The following ZNF131 variants were observed in gnomAD, a reference collection of about 807,000 sequenced individuals.
ZNF131 encodes zinc finger protein 131.
A neutral mutation model predicts 60.0 loss-of-function variants in ZNF131; 7 were observed. The observed-to-expected ratio is 0.12, with a 90% CI of 0.07 to 0.22. ZNF131 has a LOEUF of 0.22. Among genes scored for constraint, ZNF131 ranks in the 10% least tolerant of loss-of-function variants. ZNF131 has a pLI of 1.00. For missense variants in ZNF131, 493 were observed against 740.9 expected (o/e 0.67, Z 3.88); for synonymous variants, 257 against 253.2 (o/e 1.01, Z -0.14).
intron 4 of ZNF131, among the ~76,000 whole-genome samples, chr5:43,157,663 C>T (rs994806848): frequency 1.3e-5 from 2 of 152,172 alleles, no homozygotes; most frequent in African/African-American, 4.8e-5. Flanking sequence ...TAACAAAGTA[C>T]CATAAACTGG....
chr5:43,155,030 G>A (rs1332359300), intron 4 of ZNF131, among the ~76,000 whole-genome samples: 1 of 152,152 alleles, frequency 6.6e-6, no homozygotes, highest in African/African-American at 2.4e-5. Flanking sequence ...GTCTGCTTTG[G>A]GTTTTCATTG....
chr5:43,133,925 T>G lies in ZNF131; in HGVS notation c.227-5240T>G, dbSNP rs750688114. 9.2e-5 allele frequency among the ~76,000 whole-genome samples: 14 copies of G among 152,302 alleles called. 1 individual carries two copies. The highest frequency in any genetic ancestry group is 2.0e-4 in the Admixed American group (3 of 15,292). ...CAACAAAGAAAAGCGTAGGACCAGA[T>G]GGGTTCATTGATTAATTCAATGAAA... On this transcript the variant is annotated intron_variant, in intron 3 of 6. Transcript: ENST00000682664.
At chr5:43,137,409 A>G (rs1746259392) in intron 3 of ZNF131, among the ~76,000 whole-genome samples, 1 of 151,502 alleles carries the variant, frequency 6.6e-6, no homozygotes, top group Non-Finnish European at 1.5e-5. Flanking sequence ...GAAAAAAATT[A>G]AATTAAAAAT....
intron 3 of ZNF131, among the ~76,000 whole-genome samples, chr5:43,134,928 C>T (rs2112213441): frequency 6.6e-6 from 1 of 151,918 alleles, no homozygotes; most frequent in Admixed American, 6.6e-5. Context: ...GAACTTCTGA[C>T]CTCAGGTGAT....
At chr5:43,172,839 C>G (rs1471534962) in intron 5 of ZNF131, among the ~76,000 whole-genome samples, 1 of 152,020 alleles carries the variant, frequency 6.6e-6, no homozygotes, top group Non-Finnish European at 1.5e-5. Context: ...TAGTGCATTG[C>G]ATTTGTTTAT....
intron 4 of ZNF131, among the ~76,000 whole-genome samples, chr5:43,160,108 G>A (rs999711375): frequency 7.9e-5 from 12 of 151,040 alleles, no homozygotes; most frequent in Admixed American, 1.3e-4. Context: ...CCTGGGAGGC[G>A]GAGCTTACAG....
intron 4 of ZNF131, among the ~76,000 whole-genome samples, chr5:43,141,350 A>G (rs1287591726): frequency 6.6e-6 from 1 of 152,192 alleles, no homozygotes; most frequent in East Asian, 1.9e-4. Context: ...AAGGAAATAT[A>G]TATGGATGGG....
chr5:43,159,555 C>T (rs185591680), intron 4 of ZNF131, among the ~76,000 whole-genome samples: 257 of 152,026 alleles, frequency 1.7e-3, no homozygotes, highest in African/African-American at 5.7e-3. Flanking sequence ...ATTAGGCGGG[C>T]ATGGTGGCAG....
intron 4 of ZNF131, among the ~76,000 whole-genome samples, chr5:43,147,975 A>G (rs56081223): frequency 0.18 from 27,136 of 150,044 alleles, 2,888 homozygotes; most frequent in Middle Eastern, 0.34. Context: ...AATCACTTGA[A>G]CTTGGGAGGC....
At chr5:43,162,082 C>G (rs1749752871) in intron 5 of ZNF131, 151 bp downstream of exon 5, 2 of 724,166 alleles carry the variant, frequency 2.8e-6, no homozygotes, top group Non-Finnish European at 4.3e-6. Context: ...ATAGTATTAC[C>G]TGTTCAAATA....
chr5:43,166,155 T>G (rs1306007986), intron 5 of ZNF131, among the ~76,000 whole-genome samples: 2 of 152,226 alleles, frequency 1.3e-5, no homozygotes, highest in Non-Finnish European at 2.9e-5. Flanking sequence ...TCTTTCTTCA[T>G]AAGCAGTAAG....
intron 4 of ZNF131, among the ~76,000 whole-genome samples, chr5:43,151,009 T>C (rs976093758): frequency 1.3e-5 from 2 of 152,198 alleles, no homozygotes; most frequent in African/African-American, 4.8e-5. Flanking sequence ...TGTATTGACT[T>C]TTCCACTTAG....
intron 3 of ZNF131, chr5:43,125,148 T>C (rs946771047): frequency 1.3e-5 from 2 of 151,480 alleles, no homozygotes; most frequent in Admixed American, 1.3e-4. Flanking sequence ...AGTCGGAAAA[T>C]TTCATAACAG....
At chr5:43,139,873 T>C (rs1489941932) in intron 4 of ZNF131, among the ~76,000 whole-genome samples, 3 of 152,304 alleles carry the variant, frequency 2.0e-5, no homozygotes, top group Admixed American at 1.3e-4. Flanking sequence ...AATCAATTGC[T>C]GAGGAGCCAT....
At chr5:43,125,289 T>G (rs1744381507) in intron 3 of ZNF131, among the ~76,000 whole-genome samples, 2 of 151,830 alleles carry the variant, frequency 1.3e-5, no homozygotes. Context: ...GTTTTGAGTC[T>G]GAGCAGAATT....
chr5:43,151,448 T>G (rs974436969), intron 4 of ZNF131, among the ~76,000 whole-genome samples: 2 of 150,584 alleles, frequency 1.3e-5, no homozygotes, highest in Non-Finnish European at 3.0e-5. Context: ...TTTGTTTTGT[T>G]TTTTTGAGAC....
chr5:43,170,655 C>A (rs1310435893), intron 5 of ZNF131, among the ~76,000 whole-genome samples: 1 of 140,702 alleles, frequency 7.1e-6, no homozygotes, highest in African/African-American at 2.6e-5. Context: ...TTTTTTGAGA[C>A]GGAGTCTCAC....
rs959792007 is a variant in ZNF131 at position 43,175,357 on chromosome 5, A to G, written c.*224A>G. 5.2e-5 allele frequency: 35 copies of G among 678,482 alleles called. No homozygotes were observed. Among genetic ancestry groups the G allele is most frequent in the Non-Finnish European group, 9.1e-5 (35 of 382,652 alleles). The allele number at this position is 678,482 out of a possible 1,614,324, so 42.0% of individuals were successfully genotyped here. A position where few individuals can be genotyped will look rare whatever the true frequency, so the allele number is the denominator to read the frequency against. ...ACTGAAGGGGAGTTTTGAGAAGTAT[A>G]TTTCTGGAAACTTAAATGGATTATA... is the stretch of plus-strand genomic sequence containing the variant. On this transcript the variant is annotated 3_prime_UTR_variant, in exon 7 of 7. Transcript: ENST00000682664.
chr5:43,157,974 A>G (rs1749163570), intron 4 of ZNF131, among the ~76,000 whole-genome samples: 1 of 152,124 alleles, frequency 6.6e-6, no homozygotes. Flanking sequence ...TAATAACCTC[A>G]TTATTTTTTT....
Sources: gnomAD v4.1 joint callset for allele counts (sites outside exome capture counted in the v4.1 genomes callset) on GRCh38, gnomAD v4.1.1 for gene constraint, MANE v1.5 for transcripts, NCBI Gene and HGNC (gene_info 2026-07-23, HGNC 2026-07-21) for gene names.